The following TBC1D4 variants were observed in gnomAD, a reference collection of about 807,000 sequenced individuals.
The protein encoded by TBC1D4 is TBC1 domain family member 4, also known as TBC (Tre-2, BUB2, CDC16) domain-containing protein.
A neutral mutation model predicts 142.5 loss-of-function variants in TBC1D4; 121 were observed. The observed-to-expected ratio is 0.85, with a 90% CI of 0.73 to 0.99. The LOEUF is 0.99. Among genes scored for constraint, TBC1D4 ranks in the 50% least tolerant of loss-of-function variants. The pLI, the probability that TBC1D4 is intolerant of heterozygous loss-of-function variation, is 0.00. For missense variants in TBC1D4, 1,475 were observed against 1,606.6 expected (o/e 0.92, Z 1.40); for synonymous variants, 630 against 628.2 (o/e 1.00, Z -0.04).
At chr13:75,398,071 G>A (rs995600489) in intron 1 of TBC1D4, among the ~76,000 whole-genome samples, 1 of 152,190 alleles carries the variant, frequency 6.6e-6, no homozygotes, top group Non-Finnish European at 1.5e-5. Flanking sequence ...TGCCTGGCCA[G>A]CCCCAGGTGT....
chr13:75,378,635 A>C (rs1441472539), intron 1 of TBC1D4, among the ~76,000 whole-genome samples: 2 of 152,054 alleles, frequency 1.3e-5, no homozygotes, highest in African/African-American at 4.8e-5. Flanking sequence ...ACCTATGCTA[A>C]AACTTTTACA....
intron 1 of TBC1D4, among the ~76,000 whole-genome samples, chr13:75,402,869 A>C (rs1004372268): frequency 3.9e-5 from 6 of 152,174 alleles, no homozygotes; most frequent in African/African-American, 1.4e-4. Context: ...AAAAAGCAAA[A>C]ATAGAGCTCA....
In TBC1D4 at chr13:75,359,412, T is replaced by C. The variant is rs565300020; in HGVS notation, c.1170+357A>G. On this transcript the variant is annotated intron_variant, in intron 3 of 20. Transcript: ENST00000377636. ...ATAAAGAGCAAGCATGACTCAGTTATACCCACAAGTCCCACAGGCCAACAT... is the reference window on the plus strand; with the variant it reads ...ATAAAGAGCAAGCATGACTCAGTTACACCCACAAGTCCCACAGGCCAACAT... Among the ~76,000 whole-genome samples, 3 of 152,358 alleles carry C rather than the reference T, an allele frequency of 2.0e-5. No individual in the cohort carries two copies. In the South Asian group the frequency reaches 6.2e-4, roughly 32 times the overall value.
chr13:75,414,453 G>A (rs1195600024), intron 1 of TBC1D4, among the ~76,000 whole-genome samples: 1 of 152,120 alleles, frequency 6.6e-6, no homozygotes, highest in Admixed American at 6.6e-5. Flanking sequence ...CTGAAATGAG[G>A]GGAAGTATTT....
In TBC1D4 at chr13:75,345,739, A is replaced by C. The variant is rs1230655340; in HGVS notation, c.1408+3431T>G. 5.4e-5 allele frequency among the ~76,000 whole-genome samples: 7 copies of C among 130,440 alleles called. No individual in the cohort carries two copies. In the South Asian group the frequency reaches 1.8e-3, roughly 33 times the overall value. 85.6% of individuals were successfully genotyped at this position (130,440 alleles called of 152,430 possible). On this transcript the variant is annotated intron_variant, in intron 5 of 20. Transcript: ENST00000377636. ...GAAACCCCGTCTCTAAGAAAATACAAAAAAAAAAAAAAGATATTTAAAACT... is the reference window on the plus strand; with the variant it reads ...GAAACCCCGTCTCTAAGAAAATACACAAAAAAAAAAAAGATATTTAAAACT...
intron 1 of TBC1D4, among the ~76,000 whole-genome samples, chr13:75,462,305 C>A (rs1051739526): frequency 6.6e-6 from 1 of 152,202 alleles, no homozygotes; most frequent in Non-Finnish European, 1.5e-5. Context: ...CCTCACCCCA[C>A]ATCTACAGAC....
At chr13:75,449,949 G>A (rs1188620753) in intron 1 of TBC1D4, among the ~76,000 whole-genome samples, 2 of 152,026 alleles carry the variant, frequency 1.3e-5, no homozygotes, top group African/African-American at 4.8e-5. Context: ...GACTGCCAGT[G>A]GTACCGTGGG....
At chr13:75,326,630 T>C (rs1384913384) in intron 9 of TBC1D4, among the ~76,000 whole-genome samples, 3 of 152,196 alleles carry the variant, frequency 2.0e-5, no homozygotes, top group South Asian at 2.1e-4. Flanking sequence ...CTGTAATCAG[T>C]ATCACCACAA....
intron 3 of TBC1D4, 130 bp from the exon 4 acceptor site, chr13:75,356,381 G>T: frequency 1.4e-6 from 1 of 728,480 alleles, no homozygotes; most frequent in South Asian, 1.5e-5. Flanking sequence ...AATGAAGGGG[G>T]GACATAATGC....
rs987537960 is a variant in TBC1D4 at position 75,284,799 on chromosome 13, T to C, written c.*1993A>G. ...AATCACAAATGAAAAAGAAAATTCA[T>C]TTTCAAAAGAAAATATTGTATCCAA... On this transcript the variant is annotated 3_prime_UTR_variant, in exon 21 of 21. Coordinates refer to ENST00000377636, the MANE Select transcript of TBC1D4 (RefSeq NM_014832.5). The C allele has an allele frequency of 6.6e-6, 1 of 152,180 alleles. No homozygotes were observed. Among genetic ancestry groups the C allele is most frequent in the African/African-American group, 2.4e-5 (1 of 41,442 alleles). 9.4% of individuals were successfully genotyped at this position (152,180 alleles called of 1,614,324 possible).
chr13:75,339,353 A>G (rs937095504), intron 7 of TBC1D4, among the ~76,000 whole-genome samples: 1 of 152,160 alleles, frequency 6.6e-6, no homozygotes, highest in Non-Finnish European at 1.5e-5. Context: ...GAAGAACAGC[A>G]GAATTTTCTC....
intron 5 of TBC1D4, among the ~76,000 whole-genome samples, chr13:75,348,914 T>TGAGAGA (rs901204219): frequency 6.8e-6 from 1 of 146,810 alleles, no homozygotes; most frequent in Non-Finnish European, 1.5e-5. Context: ...CCTTCAGAAA[T>TGAGAGA]GAGAGAGAGA....
In TBC1D4 at chr13:75,362,483, C is replaced by G. The variant is rs1326763750; in HGVS notation, c.623G>C (p.Gly208Ala). The G allele has an allele frequency of 6.2e-7, 1 of 1,614,096 alleles. No homozygotes were observed. The highest frequency in any genetic ancestry group is 8.5e-7 in the Non-Finnish European group (1 of 1,180,046). ...CTTCTTGTGGGTCACGGTCACCTTT[C>G]CACAGTACAGGACTTCGAACTTCTG... ...NSQKFEVLYC[G>A]KVTVTHKKAP... Residue 208 changes from glycine to alanine, a missense_variant, in exon 2 of 21, where the codon GGA (glycine) becomes GCA (alanine). This residue lies in a region of TBC1D4 where 1,227 missense variants were observed against 1,267.7 expected (regional missense o/e 0.97). Coordinates refer to ENST00000377636, the MANE Select transcript of TBC1D4 (RefSeq NM_014832.5). This position sits in a 1 kb window ranked among gnomAD's most constrained non-coding sequence, Gnocchi z 4.2.
At chr13:75,467,953 C>T (rs58587187) in intron 1 of TBC1D4, among the ~76,000 whole-genome samples, 5,817 of 152,194 alleles carry the variant, frequency 0.038, 383 homozygotes, top group African/African-American at 0.13. Flanking sequence ...GGACATTGGC[C>T]ACAGTTTTTT....
chr13:75,399,358 G>A (rs897518499), intron 1 of TBC1D4, among the ~76,000 whole-genome samples: 24 of 152,172 alleles, frequency 1.6e-4, no homozygotes, highest in Non-Finnish European at 2.9e-4. Flanking sequence ...CTATGGACCA[G>A]TACCTGTTCT....
intron 1 of TBC1D4, among the ~76,000 whole-genome samples, chr13:75,393,729 C>T (rs1001857137): frequency 1.1e-4 from 17 of 151,972 alleles, no homozygotes; most frequent in Non-Finnish European, 2.5e-4. Flanking sequence ...GTTGGGAGTT[C>T]GCGACCAGCC....
chr13:75,471,871 C>T (rs1018491833), intron 1 of TBC1D4, among the ~76,000 whole-genome samples: 5 of 152,038 alleles, frequency 3.3e-5, no homozygotes, highest in Admixed American at 2.6e-4. Context: ...CTTTGGGAGG[C>T]CGAGGCGGGC....
At chr13:75,415,210 A>G (rs1443044169) in intron 1 of TBC1D4, among the ~76,000 whole-genome samples, 2 of 152,158 alleles carry the variant, frequency 1.3e-5, no homozygotes, top group Non-Finnish European at 2.9e-5. Flanking sequence ...TTTCAAGAGA[A>G]ATACTTAAGA....
intron 1 of TBC1D4, among the ~76,000 whole-genome samples, chr13:75,390,030 CTT>C (rs1884381038): frequency 6.6e-6 from 1 of 152,034 alleles, no homozygotes; most frequent in Non-Finnish European, 1.5e-5. Flanking sequence ...AATCCAAGCA[CTT>C]TGGGAGGGCG....
Sources: gnomAD v4.1 joint callset for allele counts (sites outside exome capture counted in the v4.1 genomes callset) on GRCh38, gnomAD v4.1.1 for gene constraint, gnomAD v4.1.1 regional missense constraint, Gnocchi (gnomAD v3.1) non-coding constraint, MANE v1.5 for transcripts, NCBI Gene and HGNC (gene_info 2026-07-23, HGNC 2026-07-21) for gene names.